Variants in SPTBN2 observed in about 807,000 individuals in gnomAD.
SPTBN2 encodes spectrin beta, non-erythrocytic 2.
A neutral mutation model predicts 284.2 loss-of-function variants in SPTBN2; 107 were observed. The observed-to-expected ratio is 0.38, with a 90% CI of 0.32 to 0.44. The LOEUF (loss-of-function observed/expected upper bound fraction) is 0.44. Among genes scored for constraint, SPTBN2 ranks in the 20% least tolerant of loss-of-function variants. SPTBN2 has a pLI of 1.00. For missense variants in SPTBN2, 2,569 were observed against 3,287.1 expected (o/e 0.78, Z 5.34); for synonymous variants, 1,289 against 1,354.8 (o/e 0.95, Z 1.07).
At chr11:66,688,476 C>T (rs1284384393) in intron 31 of SPTBN2, among the ~76,000 whole-genome samples, 165 bp from the exon 32 acceptor site, 3 of 152,014 alleles carry the variant, frequency 2.0e-5, no homozygotes, top group East Asian at 1.9e-4. Flanking sequence ...GAAGGTGTCT[C>T]GGCATCACCC....
At position 66,710,006 on chromosome 11, in the gene SPTBN2, G is replaced by A. The variant is rs1357131863; in HGVS notation, c.1073+576C>T. ...GATCAGTAATCTTATCTGATGGATC[G>A]CACTGACTCAACACATCATAGCAAT... On this transcript the variant is annotated intron_variant, in intron 10 of 37. Coordinates refer to ENST00000533211, the MANE Select transcript of SPTBN2 (RefSeq NM_006946.4). This position sits in a 1 kb window ranked among gnomAD's most constrained non-coding sequence, Gnocchi z 4.9. Among the ~76,000 whole-genome samples, 1 of 152,158 alleles carries A rather than the reference G, an allele frequency of 6.6e-6. No individual in the cohort carries two copies. Among genetic ancestry groups the A allele is most frequent in the Non-Finnish European group, 1.5e-5 (1 of 68,038 alleles).
rs1037873517 is a variant in SPTBN2 at position 66,718,724 on chromosome 11, G to C, written c.157+2360C>G. Among the ~76,000 whole-genome samples, 1 of 152,242 alleles carries C rather than the reference G, an allele frequency of 6.6e-6. No homozygotes were observed. The highest frequency in any genetic ancestry group is 1.5e-5 in the Non-Finnish European group (1 of 68,042). ...GTGGAACCTCAGGCTGGAGTCCAGC[G>C]TCAGGGGATTCAAGAATGGTGGGAA... On this transcript the variant is annotated intron_variant, in intron 3 of 37. Coordinates refer to ENST00000533211, the MANE Select transcript of SPTBN2 (RefSeq NM_006946.4). The surrounding 1 kb of genome is among the most constrained non-coding windows in gnomAD (Gnocchi z 4.8).
rs1014648967 is a variant in SPTBN2, at chr11:66,708,703, G to A, written c.1191+199C>T. ...GTATGGAGAGTCAGACAAAGGGACA[G>A]GGAGCCGTGTGCCTGAGAGGATGGG... On this transcript the variant is annotated intron_variant, in intron 11 of 37. Transcript: ENST00000533211. The surrounding 1 kb of genome is among the most constrained non-coding windows in gnomAD (Gnocchi z 4.4). Among the ~76,000 whole-genome samples the A allele has an allele frequency of 6.6e-6, 1 of 152,248 alleles. No individual in the cohort carries two copies. The highest frequency in any genetic ancestry group is 2.4e-5 in the African/African-American group (1 of 41,460).
Position 66,692,584 on chromosome 11 carries a change from C to A in SPTBN2, c.5142G>T (p.Glu1714Asp). 1 of 1,606,436 alleles carries A rather than the reference C, an allele frequency of 6.2e-7. No homozygotes were observed. Residue 1714 changes from glutamate (E) to aspartate (D), a missense_variant, in exon 26 of 38, where the codon GAG (glutamate) becomes GAT (aspartate). Physicochemically the swap from Glu to Asp is conservative, Grantham distance 45. Around this residue, in one of 6 missense-constraint regions of SPTBN2, gnomAD observed 1,130 missense variants for 1,317.3 expected, o/e 0.86. Transcript: ENST00000533211. ...DDLEQWIQER[E>D]VVAASHELGQ... ...CCAGCTCGTGGGAGGCCGCCACCAC[C>A]TCGCGCTCCTGGATCCACTGTTCCA...
At chr11:66,704,550 CA>C in intron 15 of SPTBN2, 47 bp downstream of exon 15, 4 of 1,579,886 alleles carry the variant, frequency 2.5e-6, no homozygotes, top group Non-Finnish European at 1.7e-6. Flanking sequence ...CTGGCCCCCC[CA>C]CCCCCACCTC....
In SPTBN2 at chr11:66,688,654, G is replaced by C; in HGVS notation, c.6230C>G (p.Ala2077Gly). Residue 2077 changes from alanine to glycine, a missense_variant and splice_region_variant, in exon 31 of 38, where the codon GCG becomes GGG. Physicochemically the swap from Ala to Gly is moderately conservative, Grantham distance 60. Around this residue, in one of 6 missense-constraint regions of SPTBN2, gnomAD observed 1,130 missense variants for 1,317.3 expected, o/e 0.86. Transcript: ENST00000533211. The stretch of plus-strand genomic sequence containing the variant: ...CATCCGGGGTCCTGTGTCCCTCACC[G>C]CAGTAAGCTTCTCCAGCGCACAGAA... ...ERFCALEKLT[A>G]LEEREKERKR... 6.2e-7 allele frequency: 1 copy of C among 1,613,788 alleles called. No homozygotes were observed. The highest frequency in any genetic ancestry group is 8.5e-7 in the Non-Finnish European group (1 of 1,180,004).
rs368415742 is a variant in SPTBN2, at chr11:66,689,152, G to C, written c.5978C>G (p.Ala1993Gly). 2 of 1,609,506 alleles carry C rather than the reference G, an allele frequency of 1.2e-6. No individual in the cohort carries two copies. The highest frequency in any genetic ancestry group is 2.2e-5 in the South Asian group (2 of 90,016). ...CTTCTCAGCTGTCTCCTGGCGCCGTGCCTGCAGCTGAGACAGCTTCTCTGA... is the reference window on the plus strand; with the variant it reads ...CTTCTCAGCTGTCTCCTGGCGCCGTCCCTGCAGCTGAGACAGCTTCTCTGA... ...EISEKLSQLQ[A>G]RRQETAEKWQ... Residue 1993 changes from alanine (A) to glycine (G), a missense_variant, in exon 30 of 38, where the codon GCA becomes GGA. By Grantham distance (60) the Ala-to-Gly change is moderately conservative. Transcript: ENST00000533211.
In SPTBN2 at chr11:66,714,341, G is replaced by A. The variant is rs757211298; in HGVS notation, c.550C>T (p.Leu184=). 6.2e-7 allele frequency: 1 copy of A among 1,614,076 alleles called. No individual in the cohort carries two copies. The highest frequency in any genetic ancestry group is 8.5e-7 in the Non-Finnish European group (1 of 1,180,020). The change falls in exon 6 of 38, where the codon CTG becomes TTG. Residue 184 remains leucine (L), a synonymous_variant. Transcript: ENST00000533211. ...EKKSAKDALL[L]WCQMKTAGYP... ...CCTGCAGTCTTCATCTGGCACCACA[G>A]AAGCAGGGCATCCTTGGCTGACTTC...
Position 66,693,922 on chromosome 11 carries a change from T to C in SPTBN2, c.4504-61A>G. 1 of 1,516,302 alleles carries C rather than the reference T, an allele frequency of 6.6e-7. No homozygotes were observed. Among genetic ancestry groups the C allele is most frequent in the South Asian group, 1.2e-5 (1 of 86,898 alleles). 93.9% of individuals were successfully genotyped at this position (1,516,302 alleles called of 1,614,324 possible). A position where few individuals can be genotyped will look rare whatever the true frequency, so the allele number is the denominator to read the frequency against. On this transcript the variant is annotated intron_variant, in intron 22 of 37. Coordinates refer to ENST00000533211, the MANE Select transcript of SPTBN2 (RefSeq NM_006946.4). The surrounding 1 kb of genome is among the most constrained non-coding windows in gnomAD (Gnocchi z 5.7). Reference sequence around the variant, plus strand: ...GGGCAAGGCAAGCAGCAGGGACTGATTAGTGGGAGTGGGGACACCTGGGGC... The same window carrying C: ...GGGCAAGGCAAGCAGCAGGGACTGACTAGTGGGAGTGGGGACACCTGGGGC...
At chr11:66,692,835 C>A (rs920778512) in intron 25 of SPTBN2, 95 bp from the exon 26 acceptor site, 9 of 1,595,698 alleles carry the variant, frequency 5.6e-6, no homozygotes, top group Middle Eastern at 1.7e-4. Context: ...AGTCTCCCAA[C>A]AGCTCGCCCA....
At position 66,704,729 on chromosome 11, in the gene SPTBN2, C is replaced by CT; in HGVS notation, c.2546dup (p.Ala850GlyfsTer33). ...GCATGGTGTAGAGCGCCAGGGCTGC[C>CT]TCCAAGGCCCGCGCTCGCTCGCCTG... is the stretch of plus-strand genomic sequence containing the variant. On this transcript the variant is annotated frameshift_variant, in exon 15 of 38. Transcript: ENST00000533211. LOFTEE classifies it high-confidence loss of function. 1.9e-6 allele frequency: 3 copies of CT among 1,604,630 alleles called. No homozygotes were observed. The highest frequency in any genetic ancestry group is 2.5e-6 in the Non-Finnish European group (3 of 1,176,508).
chr11:66,699,730 G>A (rs2135404869), intron 17 of SPTBN2, 122 bp from the exon 18 acceptor site: 2 of 1,014,416 alleles, frequency 2.0e-6, no homozygotes, highest in East Asian at 2.5e-5. Flanking sequence ...GGGTAGCCCA[G>A]AGAGCTCTGA....
intron 20 of SPTBN2, 80 bp downstream of exon 20, chr11:66,698,559 A>G (rs1402710767): frequency 8.1e-6 from 13 of 1,606,594 alleles, no homozygotes; most frequent in Middle Eastern, 2.0e-4. Flanking sequence ...TAACCATGAC[A>G]AAAACCACGT....
chr11:66,707,629 C>G lies in SPTBN2; in HGVS notation c.1540G>C (p.Asp514His), dbSNP rs770212944. ...ARQHNVARLWDFLRQMVAARR... is the reference protein window; with the variant it reads ...ARQHNVARLWHFLRQMVAARR... ...GCGGCCACCATCTGCCGCAAGAAGT[C>G]CCAGAGCCGTGCCACGTTGTGCTGC... The change falls in exon 13 of 38, where the codon GAC (aspartate) becomes CAC (histidine). Residue 514 changes from aspartate to histidine, a missense_variant. This residue lies in a region of SPTBN2 where 1,012 missense variants were observed against 1,248.9 expected (regional missense o/e 0.81). Transcript: ENST00000533211. This position sits in a 1 kb window ranked among gnomAD's most constrained non-coding sequence, Gnocchi z 4.9. 1 of 1,610,292 alleles carries G rather than the reference C, an allele frequency of 6.2e-7. No homozygotes were observed. Among genetic ancestry groups the G allele is most frequent in the South Asian group, 1.1e-5 (1 of 91,078 alleles).
At chr11:66,737,760 T>C (rs1248300372) in intron 1 of SPTBN2, among the ~76,000 whole-genome samples, 1 of 152,042 alleles carries the variant, frequency 6.6e-6, no homozygotes, top group Non-Finnish European at 1.5e-5. Flanking sequence ...CTAAATACAC[T>C]ATGTAAACTG....
chr11:66,686,384 G>A lies in SPTBN2; in HGVS notation c.6939+14C>T, dbSNP rs370403561. 13 of 1,613,984 alleles carry A rather than the reference G, an allele frequency of 8.1e-6. No individual in the cohort carries two copies. In the South Asian group the frequency reaches 8.8e-5, roughly 11 times the overall value. On this transcript the variant is annotated intron_variant, in intron 37 of 37. Transcript: ENST00000533211. ...GAATGGCACGGACAGAGAGGAACACGAAGGACAGCTCACCTCATCCTTGGC... is the reference window on the plus strand; with the variant it reads ...GAATGGCACGGACAGAGAGGAACACAAAGGACAGCTCACCTCATCCTTGGC...
intron 1 of SPTBN2, among the ~76,000 whole-genome samples, chr11:66,724,532 C>A (rs920303591): frequency 2.6e-5 from 4 of 152,112 alleles, no homozygotes; most frequent in African/African-American, 9.7e-5. Flanking sequence ...GCAAACCCTG[C>A]CTCATATTTT....
rs1348374791 is a variant in SPTBN2 at position 66,736,144 on chromosome 11, G to T, written c.-474-6952C>A. On this transcript the variant is annotated intron_variant, in intron 1 of 37. Transcript: ENST00000611817. ...CAGATAGGGAATTCTAACAGGTGGG[G>T]GTAGGTGGAGGTGGGGTACAGAGGA... Among the ~76,000 whole-genome samples, 31 of 152,248 alleles carry T rather than the reference G, an allele frequency of 2.0e-4. 1 individual carries two copies. The highest frequency in any genetic ancestry group is 1.3e-4 in the Non-Finnish European group (9 of 68,016).
chr11:66,688,247 G>T lies in SPTBN2; in HGVS notation c.6296C>A (p.Pro2099His), dbSNP rs144563313. The part of the protein sequence containing the change: ...REEEERRKQP[P>H]APEPTASVPP... ...CACACTGGCTGTGGGTTCGGGAGCA[G>T]GCGGCTGTTTCCGCCGCTCCTCCTC... The change falls in exon 32 of 38, where the codon CCT (proline) becomes CAT (histidine). Residue 2099 changes from proline to histidine, a missense_variant. Physicochemically the swap from Pro to His is moderately conservative, Grantham distance 77. Around this residue, in one of 6 missense-constraint regions of SPTBN2, gnomAD observed 1,130 missense variants for 1,317.3 expected, o/e 0.86. Transcript: ENST00000533211. 8.0e-5 allele frequency: 129 copies of T among 1,613,426 alleles called. 4 individuals carry two copies. Among genetic ancestry groups the T allele is most frequent in the South Asian group, 4.1e-4 (37 of 91,040 alleles).
Sources: allele counts gnomAD v4.1 joint callset (sites outside exome capture counted in the v4.1 genomes callset), GRCh38; gene constraint gnomAD v4.1.1; regional missense constraint gnomAD v4.1.1; non-coding constraint Gnocchi (gnomAD v3.1); transcripts MANE v1.5; gene names NCBI Gene and HGNC (gene_info 2026-07-23, HGNC 2026-07-21).